SEC63: variants seen among roughly 807,000 people sequenced by gnomAD.
SEC63 encodes the protein translocation protein SEC63 homolog.
In SEC63, 56 loss-of-function variants were observed where a neutral mutation model predicts 116.2. The ratio of observed to expected loss-of-function variants is 0.48; its 90% confidence interval spans 0.39 to 0.60. The LOEUF (loss-of-function observed/expected upper bound fraction) is 0.60. SEC63 is among the 20% of genes least tolerant of loss of function. The pLI, the probability that SEC63 is intolerant of heterozygous loss-of-function variation, is 0.00. For synonymous variants in SEC63, 273 were observed against 294.6 expected (o/e 0.93, Z 0.75); for missense variants, 668 against 900.0 (o/e 0.74, Z 3.30).
intron 14 of SEC63, among the ~76,000 whole-genome samples, chr6:107,895,935 G>A (rs1189025437): frequency 1.3e-5 from 2 of 151,714 alleles, no homozygotes; most frequent in South Asian, 2.1e-4. Flanking sequence ...GAGGCTGAGG[G>A]GTACATATCA....
intron 14 of SEC63, among the ~76,000 whole-genome samples, chr6:107,895,116 G>A (rs1311157307): frequency 1.3e-5 from 2 of 152,192 alleles, no homozygotes. Context: ...GTTCATACAA[G>A]AATGGGAAGA....
In SEC63 at chr6:107,958,059, G is replaced by C. The variant is rs1162637533; in HGVS notation, c.-50C>G. 3.7e-6 allele frequency: 6 copies of C among 1,600,422 alleles called. No homozygotes were observed. In the African/African-American group the frequency reaches 8.1e-5, roughly 22 times the overall value. Reference sequence around the variant, plus strand: ...TTCTCACCGCCGCCGCCACGACCACGCTCTGCACTCCCGCTCCCAACGCCC... The same window carrying C: ...TTCTCACCGCCGCCGCCACGACCACCCTCTGCACTCCCGCTCCCAACGCCC... On this transcript the variant is annotated 5_prime_UTR_variant, in exon 1 of 21. Transcript: ENST00000369002.
At chr6:107,948,924 A>G (rs1249708665) in intron 1 of SEC63, among the ~76,000 whole-genome samples, 1 of 152,230 alleles carries the variant, frequency 6.6e-6, no homozygotes, top group Admixed American at 6.5e-5. Context: ...CTGTTTCACC[A>G]GGATGGTATA....
chr6:107,938,472 T>C (rs1179395090), intron 1 of SEC63, among the ~76,000 whole-genome samples: 1 of 151,978 alleles, frequency 6.6e-6, no homozygotes, highest in Non-Finnish European at 1.5e-5. Context: ...TTCAAACTCC[T>C]GGGCTCAAGC....
chr6:107,955,056 A>G (rs1167803051), intron 1 of SEC63, among the ~76,000 whole-genome samples: 1 of 152,250 alleles, frequency 6.6e-6, no homozygotes, highest in Non-Finnish European at 1.5e-5. Context: ...CTAACTTTCT[A>G]TCTAGCAGTA....
At chr6:107,904,588 C>T (rs1008341047) in intron 11 of SEC63, 41 bp downstream of exon 11, 7 of 1,492,308 alleles carry the variant, frequency 4.7e-6, no homozygotes, top group Non-Finnish European at 6.5e-6. Context: ...CATATGCTTG[C>T]AAGAAAAAGT....
chr6:107,937,453 T>C (rs1200169326), intron 1 of SEC63, among the ~76,000 whole-genome samples: 3 of 152,078 alleles, frequency 2.0e-5, no homozygotes, highest in Admixed American at 6.5e-5. Context: ...CAGTCCGCTA[T>C]TGATAGACAC....
chr6:107,936,122 A>G (rs1407109772), intron 1 of SEC63, among the ~76,000 whole-genome samples: 4 of 152,262 alleles, frequency 2.6e-5, no homozygotes, highest in Non-Finnish European at 5.9e-5. Flanking sequence ...TGATCTATTC[A>G]AAGGTATGAT....
rs186039158 is a variant in SEC63, at chr6:107,874,400, A to C, written c.2035-1488T>G. 9.4e-3 allele frequency among the ~76,000 whole-genome samples: 1,424 copies of C among 152,118 alleles called. 14 individuals carry two copies. The highest frequency in any genetic ancestry group is 0.029 in the East Asian group (147 of 5,150). On this transcript the variant is annotated intron_variant, in intron 19 of 20. Coordinates refer to ENST00000369002, the MANE Select transcript of SEC63 (RefSeq NM_007214.5). ...ACAAGGTCAGGAGATTGAGACCATC[A>C]TGGCTAACACAGTGAAACCCCGTCT...
chr6:107,878,982 T>C (rs1416831252), intron 18 of SEC63, among the ~76,000 whole-genome samples: 6 of 152,154 alleles, frequency 3.9e-5, no homozygotes, highest in Admixed American at 6.5e-5. Flanking sequence ...TTAGACAAAA[T>C]TGTTTTTCTT....
chr6:107,930,197 T>TG (rs869126853), intron 1 of SEC63: 229 of 147,648 alleles, frequency 1.6e-3, no homozygotes, highest in African/African-American at 5.4e-3. Flanking sequence ...TTTTTTTTTT[T>TG]GTAGAAACTG....
chr6:107,876,437 A>C (rs997018638), intron 19 of SEC63, 127 bp downstream of exon 19: 44 of 678,184 alleles, frequency 6.5e-5, no homozygotes, highest in Non-Finnish European at 1.1e-4. Context: ...CAGTTACAAA[A>C]TGCAGGCAAC....
At position 107,906,710 on chromosome 6, in the gene SEC63, T is replaced by C; in HGVS notation, c.801A>G (p.Arg267=). Residue 267 remains arginine, a synonymous_variant, in exon 9 of 21, where the codon AGA becomes AGG. Coordinates refer to ENST00000369002, the MANE Select transcript of SEC63 (RefSeq NM_007214.5). The part of the protein sequence containing the change: ...DPQYNKDATS[R]PTDNILIPQL... Reference sequence around the variant, plus strand: ...GTGGTATTAGAATATTATCCGTTGGTCTGCTTGTGGCATCTTTATTATACT... The same window carrying C: ...GTGGTATTAGAATATTATCCGTTGGCCTGCTTGTGGCATCTTTATTATACT... 1 of 1,614,022 alleles carries C rather than the reference T, an allele frequency of 6.2e-7. No homozygotes were observed. The highest frequency in any genetic ancestry group is 1.1e-5 in the South Asian group (1 of 91,082).
chr6:107,917,177 AC>A (rs1787425193), intron 4 of SEC63, among the ~76,000 whole-genome samples: 1 of 152,346 alleles, frequency 6.6e-6, no homozygotes, highest in African/African-American at 2.4e-5. Context: ...GCTGCAGTTA[AC>A]TAGCCCAACC....
intron 16 of SEC63, among the ~76,000 whole-genome samples, chr6:107,886,101 A>AT (rs1786522340): frequency 6.6e-6 from 1 of 152,138 alleles, no homozygotes; most frequent in Non-Finnish European, 1.5e-5. Flanking sequence ...GAGTGAGAAC[A>AT]TGGCGGTGTT....
intron 1 of SEC63, among the ~76,000 whole-genome samples, chr6:107,953,801 T>C: frequency 8.9e-6 from 1 of 112,308 alleles, no homozygotes; most frequent in South Asian, 2.7e-4. Flanking sequence ...GGTGGGGGTG[T>C]GAGCCCCCCG....
At chr6:107,897,601 C>G (rs1337141545) in intron 14 of SEC63, 48 bp downstream of exon 14, 1 of 1,251,778 alleles carries the variant, frequency 8.0e-7, no homozygotes. Context: ...AATATAAAAG[C>G]CTTGACACAC....
chr6:107,937,970 T>C (rs1032842511), intron 1 of SEC63, among the ~76,000 whole-genome samples: 8 of 152,208 alleles, frequency 5.3e-5, no homozygotes, highest in African/African-American at 1.2e-4. Flanking sequence ...TTTTCTCTTA[T>C]TCTGTAGGTT....
chr6:107,875,557 C>G (rs760897725), intron 19 of SEC63, among the ~76,000 whole-genome samples: 2 of 151,794 alleles, frequency 1.3e-5, no homozygotes, highest in Non-Finnish European at 2.9e-5. Context: ...ATTAGCCGGG[C>G]GTGGCTAATT....
Sources: allele counts gnomAD v4.1 joint callset (sites outside exome capture counted in the v4.1 genomes callset), GRCh38; gene constraint gnomAD v4.1.1; transcripts MANE v1.5; gene names NCBI Gene and HGNC (gene_info 2026-07-23, HGNC 2026-07-21).